BTBD16: variants seen among roughly 807,000 people sequenced by gnomAD.
BTBD16 encodes the protein BTB domain containing 16.
Under a neutral mutation model 67.4 loss-of-function variants are expected in BTBD16, and 66 were observed. The observed-to-expected ratio is 0.98, with a 90% CI of 0.80 to 1.20. The LOEUF (loss-of-function observed/expected upper bound fraction) is 1.20. Among genes scored for constraint, BTBD16 ranks in the 50% most tolerant of loss-of-function variants. The pLI, the probability that BTBD16 is intolerant of heterozygous loss-of-function variation, is 0.00. For synonymous variants in BTBD16, 242 were observed against 236.4 expected (o/e 1.02, Z -0.22); for missense variants, 634 against 616.0 (o/e 1.03, Z -0.31).
chr10:122,303,572 C>T, intron 9 of BTBD16: 1 of 279,870 alleles, frequency 3.6e-6, no homozygotes, highest in Non-Finnish European at 5.4e-6. Context: ...CATCCTTGTT[C>T]ATATCTTACT....
intron 10 of BTBD16, chr10:122,328,835 C>G (rs1276205038): frequency 3.0e-6 from 3 of 985,196 alleles, no homozygotes; most frequent in Non-Finnish European, 3.6e-6. Context: ...CTCAACCCAG[C>G]GCTGAACTTC....
chr10:122,327,550 G>A (rs1226341567), intron 10 of BTBD16: 9 of 981,922 alleles, frequency 9.2e-6, no homozygotes, highest in Admixed American at 6.1e-5. Flanking sequence ...GGGCTGGGAC[G>A]GGACCCTGGT....
intron 7 of BTBD16, among the ~76,000 whole-genome samples, chr10:122,297,437 G>T (rs1226244474): frequency 1.3e-5 from 2 of 152,244 alleles, no homozygotes; most frequent in Admixed American, 6.5e-5. Context: ...CAGGCAGGGG[G>T]ATGACCAGAT....
At chr10:122,318,774 CAG>C (rs759256253) in intron 10 of BTBD16, among the ~76,000 whole-genome samples, 5 of 152,122 alleles carry the variant, frequency 3.3e-5, no homozygotes, top group Non-Finnish European at 7.3e-5. Flanking sequence ...TTAGTAGAGA[CAG>C]GGTTTTGCCA....
intron 7 of BTBD16, among the ~76,000 whole-genome samples, chr10:122,292,817 C>T (rs2096376540): frequency 6.6e-6 from 1 of 152,216 alleles, no homozygotes; most frequent in Non-Finnish European, 1.5e-5. Flanking sequence ...GAATTCCTAA[C>T]TGGAAAATGT....
intron 13 of BTBD16, chr10:122,333,023 A>C: frequency 1.0e-6 from 1 of 957,316 alleles, no homozygotes; most frequent in Non-Finnish European, 1.2e-6. Flanking sequence ...GACCAGGGGA[A>C]CCTTGGAGTT....
chr10:122,272,451 C>T lies in BTBD16; in HGVS notation c.-43+937C>T, dbSNP rs1336315332. ...CCACCTCCAGAGTTCAAGTGACTGT[C>T]CTGCCTCAGCCTCCCAAGTAGCTGG... On this transcript the variant is annotated intron_variant, in intron 1 of 15. Coordinates refer to ENST00000260723, the MANE Select transcript of BTBD16 (RefSeq NM_144587.5). Among the ~76,000 whole-genome samples, 4 of 152,222 alleles carry T rather than the reference C, an allele frequency of 2.6e-5. No individual in the cohort carries two copies. The South Asian group carries it at 8.3e-4, about 32-fold the overall frequency.
At chr10:122,290,980 G>A in intron 6 of BTBD16, 100 bp from the exon 7 acceptor site, 1 of 1,404,630 alleles carries the variant, frequency 7.1e-7, no homozygotes, top group Non-Finnish European at 9.3e-7. Context: ...TTCTCTAAGG[G>A]CACCTCTGCC....
Position 122,334,873 on chromosome 10 carries a change from C to A in BTBD16, c.1165-8C>A. ...CCTTCACTTTGTTGTTTCTCTTTCC[C>A]AATTTAGGAGAATACAACTTATTCG... On this transcript the variant is annotated splice_polypyrimidine_tract_variant and splice_region_variant and intron_variant, in intron 13 of 15. Coordinates refer to ENST00000260723, the MANE Select transcript of BTBD16 (RefSeq NM_144587.5). The A allele has an allele frequency of 1.3e-6, 2 of 1,512,868 alleles. No homozygotes were observed. The highest frequency in any genetic ancestry group is 9.2e-7 in the Non-Finnish European group (1 of 1,092,890). 93.7% of individuals were successfully genotyped at this position (1,512,868 alleles called of 1,614,324 possible).
intron 13 of BTBD16, among the ~76,000 whole-genome samples, chr10:122,333,225 G>A (rs1477819271): frequency 6.6e-6 from 1 of 152,128 alleles, no homozygotes; most frequent in African/African-American, 2.4e-5. Flanking sequence ...TCAGCCTTTT[G>A]GTTGCAGAGA....
At chr10:122,309,585 C>T (rs926942398) in intron 10 of BTBD16, among the ~76,000 whole-genome samples, 1 of 151,884 alleles carries the variant, frequency 6.6e-6, no homozygotes, top group Non-Finnish European at 1.5e-5. Context: ...CCTCGCGATC[C>T]ACCCGCCTCG....
chr10:122,332,341 G>C (rs2096456412), intron 12 of BTBD16, 95 bp from the exon 13 acceptor site: 9 of 1,044,976 alleles, frequency 8.6e-6, no homozygotes, highest in Non-Finnish European at 1.2e-5. Flanking sequence ...AACCTGGTGA[G>C]GGGGGCAGGG....
At chr10:122,297,713 G>A (rs374687388) in intron 7 of BTBD16, 55 bp from the exon 8 acceptor site, 75 of 1,592,416 alleles carry the variant, frequency 4.7e-5, no homozygotes, top group South Asian at 2.8e-4. Context: ...GGGACTTTCC[G>A]CTTCTCCAAA....
At chr10:122,284,220 G>A (rs751051497) in intron 4 of BTBD16, among the ~76,000 whole-genome samples, 4 of 152,156 alleles carry the variant, frequency 2.6e-5, no homozygotes, top group Admixed American at 6.5e-5. Context: ...AGGCCCAGGC[G>A]AGTGAATCAC....
chr10:122,309,351 TG>T (rs1201232657), intron 10 of BTBD16, among the ~76,000 whole-genome samples: 3 of 147,024 alleles, frequency 2.0e-5, no homozygotes, highest in African/African-American at 5.2e-5. Context: ...TTTTTGTTTT[TG>T]TTTTTTTTTT....
chr10:122,338,123 G>T lies in BTBD16; in HGVS notation c.*38G>T. On this transcript the variant is annotated 3_prime_UTR_variant, in exon 16 of 16. Transcript: ENST00000260723. ...GAATCTATGGGATTTTCCCCCCACTGGTCTGCATAAAAGAAAATAAAATGA... is the reference window on the plus strand; with the variant it reads ...GAATCTATGGGATTTTCCCCCCACTTGTCTGCATAAAAGAAAATAAAATGA... 1.4e-6 allele frequency: 2 copies of T among 1,469,394 alleles called. No individual in the cohort carries two copies. The highest frequency in any genetic ancestry group is 1.9e-6 in the Non-Finnish European group (2 of 1,053,112). 91.0% of individuals were successfully genotyped at this position (1,469,394 alleles called of 1,614,324 possible).
chr10:122,330,577 C>A (rs992190292), intron 11 of BTBD16, among the ~76,000 whole-genome samples: 1 of 152,144 alleles, frequency 6.6e-6, no homozygotes, highest in Non-Finnish European at 1.5e-5. Context: ...GAGTATATTT[C>A]ATTCAAAATA....
rs576888869 is a variant in BTBD16, at chr10:122,308,160, A to C, written c.911+852A>C. On this transcript the variant is annotated intron_variant, in intron 10 of 15. Transcript: ENST00000260723. ...GCTCTCCTACTGGAAACGTCTTAGCACTGGGAGATAGGAAAAAGAGCTAGA... is the reference window on the plus strand; with the variant it reads ...GCTCTCCTACTGGAAACGTCTTAGCCCTGGGAGATAGGAAAAAGAGCTAGA... Among the ~76,000 whole-genome samples the C allele has an allele frequency of 1.2e-4, 19 of 152,280 alleles. No homozygotes were observed. The East Asian group carries it at 3.7e-3, about 29-fold the overall frequency.
intron 10 of BTBD16, among the ~76,000 whole-genome samples, chr10:122,317,224 A>C (rs1178518730): frequency 6.6e-6 from 1 of 152,178 alleles, no homozygotes; most frequent in South Asian, 2.1e-4. Flanking sequence ...TTTTCATAAC[A>C]CTTAGCTTAA....
Sources: allele counts gnomAD v4.1 joint callset (sites outside exome capture counted in the v4.1 genomes callset), GRCh38; gene constraint gnomAD v4.1.1; transcripts MANE v1.5; gene names NCBI Gene and HGNC (gene_info 2026-07-23, HGNC 2026-07-21).